CCBE1: variants seen among roughly 807,000 people sequenced by gnomAD.
CCBE1 encodes collagen and calcium binding EGF domains 1.
A neutral mutation model predicts 50.0 loss-of-function variants in CCBE1; 37 were observed. The ratio of observed to expected loss-of-function variants is 0.74; its 90% CI spans 0.57 to 0.97. The LOEUF (loss-of-function observed/expected upper bound fraction) is 0.97, where lower values mean the gene tolerates loss of function less well. Among genes scored for constraint, CCBE1 ranks in the 50% least tolerant of loss-of-function variants. The probability of loss-of-function intolerance (pLI) is 0.00; values close to 1 mark genes in which losing one functional copy is unlikely to be tolerated. For synonymous variants in CCBE1, 234 were observed against 203.7 expected, an observed-to-expected ratio of 1.15 and a Z score of -1.27; for missense variants, 538 against 523.8, an observed-to-expected ratio of 1.03 and a Z score of -0.26.
In CCBE1 at chr18:59,697,314, C is replaced by T; in HGVS notation, c.29G>A (p.Gly10Glu). 1 of 1,548,882 alleles carries T rather than the reference C, an allele frequency of 6.5e-7. No homozygotes were observed. The highest frequency in any genetic ancestry group is 8.7e-7 in the Non-Finnish European group (1 of 1,146,894). Residue 10 changes from glycine to glutamate, a missense_variant, in exon 1 of 11, where the codon GGA (glycine) becomes GAA (glutamate). Transcript: ENST00000439986. ...CCTGCCCAGCTGGCCCCTGGCAGCTCCTCCCCGGCTCGGAGGCGGCGGCAC... is the reference window on the plus strand; with the variant it reads ...CCTGCCCAGCTGGCCCCTGGCAGCTTCTCCCCGGCTCGGAGGCGGCGGCAC... The part of the protein sequence containing the change: MVPPPPSRG[G>E]AARGQLGRSL...
At chr18:59,605,791 G>A (rs908888689) in intron 2 of CCBE1, among the ~76,000 whole-genome samples, 1 of 152,138 alleles carries the variant, frequency 6.6e-6, no homozygotes, top group Non-Finnish European at 1.5e-5. Flanking sequence ...TACTTGAGTT[G>A]TTGCCAGAGA....
intron 2 of CCBE1, among the ~76,000 whole-genome samples, chr18:59,558,947 G>A (rs1249370244): frequency 1.3e-5 from 2 of 152,218 alleles, no homozygotes; most frequent in African/African-American, 2.4e-5. Flanking sequence ...GGCCCCCTAA[G>A]TGCTCTTTCT....
chr18:59,689,861 G>A (rs541303855), intron 2 of CCBE1, among the ~76,000 whole-genome samples: 3 of 152,204 alleles, frequency 2.0e-5, no homozygotes, highest in Admixed American at 2.0e-4. Context: ...TCTTGCTAGC[G>A]CCTCTGCAGA....
At chr18:59,504,714 C>A (rs1375618311) in intron 2 of CCBE1, among the ~76,000 whole-genome samples, 2 of 152,156 alleles carry the variant, frequency 1.3e-5, no homozygotes, top group Non-Finnish European at 2.9e-5. Flanking sequence ...CTGGAGTCTG[C>A]GATGTCCTCC....
At chr18:59,516,794 A>G (rs1312707175) in intron 2 of CCBE1, among the ~76,000 whole-genome samples, 1 of 152,226 alleles carries the variant, frequency 6.6e-6, no homozygotes, top group Admixed American at 6.5e-5. Context: ...CGGCCAGAAC[A>G]TCACAGCAAA....
At chr18:59,521,447 A>T (rs1914597116) in intron 2 of CCBE1, among the ~76,000 whole-genome samples, 2 of 151,980 alleles carry the variant, frequency 1.3e-5, no homozygotes, top group African/African-American at 4.8e-5. Flanking sequence ...TTCTTTCTTC[A>T]GGAAGCATTT....
intron 2 of CCBE1, among the ~76,000 whole-genome samples, chr18:59,542,205 G>T (rs895096766): frequency 2.0e-5 from 3 of 150,790 alleles, no homozygotes; most frequent in Admixed American, 2.0e-4. Context: ...TACAATTAGA[G>T]CTAACCTTAA....
At chr18:59,564,938 T>C (rs1431639900) in intron 2 of CCBE1, among the ~76,000 whole-genome samples, 1 of 152,248 alleles carries the variant, frequency 6.6e-6, no homozygotes, top group African/African-American at 2.4e-5. Flanking sequence ...ATCAGTCACA[T>C]GAATCTCAGC....
At chr18:59,441,392 C>T (rs568062809) in intron 7 of CCBE1, among the ~76,000 whole-genome samples, 41 of 151,814 alleles carry the variant, frequency 2.7e-4, no homozygotes, top group Admixed American at 1.2e-3. Flanking sequence ...TACCTGTAAT[C>T]CCAGCTACTC....
At chr18:59,580,407 A>G (rs1209221191) in intron 2 of CCBE1, among the ~76,000 whole-genome samples, 1 of 152,154 alleles carries the variant, frequency 6.6e-6, no homozygotes, top group Non-Finnish European at 1.5e-5. Flanking sequence ...TGTGCCCCCA[A>G]AATGTAGAAA....
chr18:59,569,872 C>T (rs2052885314), intron 2 of CCBE1, among the ~76,000 whole-genome samples: 1 of 152,192 alleles, frequency 6.6e-6, no homozygotes, highest in African/African-American at 2.4e-5. Flanking sequence ...CTCAAGTGAT[C>T]CTCCTGTCTG....
Position 59,495,221 on chromosome 18 carries a change from G to GA in CCBE1, c.213-14984dup, listed in dbSNP as rs199611353. Among the ~76,000 whole-genome samples the GA allele has an allele frequency of 4.5e-3, 671 of 149,324 alleles. 3 individuals are homozygous for GA. Among genetic ancestry groups the GA allele is most frequent in the East Asian group, 0.021 (107 of 5,126 alleles). On this transcript the variant is annotated intron_variant, in intron 2 of 10. Transcript: ENST00000439986. ...TTTTTTTGACCTATACTTTTTCTCT[G>GA]AAAAAAAAATAGCCATTCATGGAAC...
In CCBE1 at chr18:59,648,374, T is replaced by C. The variant is rs139739383; in HGVS notation, c.212+48255A>G. ...CACAGAACCCTGTGACAGACTAACC[T>C]CAGTTTCTGGAACCCTTTAGCTGAT... On this transcript the variant is annotated intron_variant, in intron 2 of 10. Coordinates refer to ENST00000439986, the MANE Select transcript of CCBE1 (RefSeq NM_133459.4). Among the ~76,000 whole-genome samples, 10 of 152,282 alleles carry C rather than the reference T, an allele frequency of 6.6e-5. No homozygotes were observed. The East Asian group carries it at 1.9e-3, about 29-fold the overall frequency.
intron 2 of CCBE1, among the ~76,000 whole-genome samples, chr18:59,495,300 C>T (rs564572379): frequency 6.6e-6 from 1 of 151,654 alleles, no homozygotes; most frequent in Admixed American, 6.6e-5. Context: ...GGTTAATCAC[C>T]GTTTATGTAC....
chr18:59,478,869 TGAGAAATTCAGCAGA>T (rs1254143550), intron 3 of CCBE1, among the ~76,000 whole-genome samples: 3 of 152,150 alleles, frequency 2.0e-5, no homozygotes, highest in African/African-American at 7.2e-5. Context: ...CCAACAGAAT[TGAGAAATTCAGCAGA>T]GAGAAATTCA....
intron 2 of CCBE1, among the ~76,000 whole-genome samples, chr18:59,499,041 C>T (rs1453897864): frequency 6.6e-6 from 1 of 152,170 alleles, no homozygotes; most frequent in African/African-American, 2.4e-5. Context: ...ACCTTGAAAA[C>T]TTGCCATAGT....
chr18:59,675,038 G>A (rs944215354), intron 2 of CCBE1, among the ~76,000 whole-genome samples: 20 of 151,770 alleles, frequency 1.3e-4, no homozygotes, highest in Middle Eastern at 3.4e-3. Context: ...TATCTTTATC[G>A]ACCATGGCTT....
intron 2 of CCBE1, among the ~76,000 whole-genome samples, chr18:59,690,223 G>A (rs1022456324): frequency 6.6e-6 from 1 of 152,106 alleles, no homozygotes; most frequent in Non-Finnish European, 1.5e-5. Context: ...AATGAAGCTT[G>A]TTCATAAGAT....
chr18:59,582,487 CA>C (rs2053100285), intron 2 of CCBE1, among the ~76,000 whole-genome samples: 1 of 152,162 alleles, frequency 6.6e-6, no homozygotes, highest in African/African-American at 2.4e-5. Context: ...TTTGTGCAAA[CA>C]GACTAAGATT....
Sources: allele counts gnomAD v4.1 joint callset (sites outside exome capture counted in the v4.1 genomes callset), GRCh38; gene constraint gnomAD v4.1.1; transcripts MANE v1.5; gene names NCBI Gene and HGNC (gene_info 2026-07-23, HGNC 2026-07-21).